Variants in CIT observed in about 807,000 individuals in gnomAD.
CIT encodes the protein citron rho-interacting serine/threonine kinase.
A neutral mutation model predicts 272.7 loss-of-function variants in CIT; 79 were observed. That is an observed-to-expected ratio of 0.29 (90% CI 0.24 to 0.35). The LOEUF is 0.35. Among genes scored for constraint, CIT ranks in the 10% least tolerant of loss-of-function variants. The probability of loss-of-function intolerance (pLI) is 1.00; values close to 1 mark genes in which losing one functional copy is unlikely to be tolerated. For synonymous variants in CIT, 948 were observed against 995.6 expected, an observed-to-expected ratio of 0.95 and a Z score of 0.90; for missense variants, 1,909 against 2,618.3, an observed-to-expected ratio of 0.73 and a Z score of 5.91.
chr12:119,704,573 G>T, intron 40 of CIT, 118 bp from the exon 41 acceptor site: 1 of 870,836 alleles, frequency 1.1e-6, no homozygotes, highest in Non-Finnish European at 1.8e-6. Flanking sequence ...ATCATTCTGT[G>T]TGGTGGGGGG....
At chr12:119,719,894 A>G (rs1242198505) in intron 30 of CIT, among the ~76,000 whole-genome samples, 2 of 152,202 alleles carry the variant, frequency 1.3e-5, no homozygotes, top group Non-Finnish European at 2.9e-5. Context: ...CACTATGTAT[A>G]ACCCTGCCCC....
At chr12:119,692,768 C>G (rs1276384977) in intron 46 of CIT, among the ~76,000 whole-genome samples, 1 of 152,190 alleles carries the variant, frequency 6.6e-6, no homozygotes, top group African/African-American at 2.4e-5. Context: ...CATAAGGGCT[C>G]AGTTCATAGT....
chr12:119,803,496 ACTGCAGCGC>A, intron 9 of CIT, 107 bp from the exon 10 acceptor site: 1 of 753,408 alleles, frequency 1.3e-6, no homozygotes, highest in Non-Finnish European at 2.1e-6. Context: ...TGGCGATGGC[ACTGCAGCGC>A]CTGCTTTCAA....
rs112961340 is a variant in CIT, at chr12:119,699,767, G to A, written c.5623+978C>T. ...AAGCAGAACTGTCCAGTCAAGCCACGGAGTTGGGGCCAATAATAAGCTGTT... is the reference window on the plus strand; with the variant it reads ...AAGCAGAACTGTCCAGTCAAGCCACAGAGTTGGGGCCAATAATAAGCTGTT... On this transcript the variant is annotated intron_variant, in intron 44 of 47. Coordinates refer to ENST00000392521, the MANE Select transcript of CIT (RefSeq NM_001206999.2). 3.9e-4 allele frequency: 177 copies of A among 455,978 alleles called. 1 individual carries two copies. Among genetic ancestry groups the A allele is most frequent in the African/African-American group, 2.8e-3 (141 of 50,192 alleles). 28.2% of individuals were successfully genotyped at this position (455,978 alleles called of 1,614,324 possible).
chr12:119,777,256 A>G (rs1296748887), intron 13 of CIT, among the ~76,000 whole-genome samples: 13 of 151,478 alleles, frequency 8.6e-5, no homozygotes, highest in Admixed American at 8.6e-4. Flanking sequence ...CTCCGTCTCA[A>G]AAAAAAACAA....
At chr12:119,719,397 A>G (rs1335734897) in intron 30 of CIT, among the ~76,000 whole-genome samples, 2 of 152,208 alleles carry the variant, frequency 1.3e-5, no homozygotes, top group Non-Finnish European at 2.9e-5. Flanking sequence ...AGGAAAACAG[A>G]ATAATGCAAC....
At chr12:119,742,287 T>C (rs886958941) in intron 24 of CIT, 124 bp downstream of exon 24, 16 of 644,432 alleles carry the variant, frequency 2.5e-5, no homozygotes, top group African/African-American at 3.7e-5. Flanking sequence ...TTGATTGCAT[T>C]ATCTTCTTCA....
intron 24 of CIT, among the ~76,000 whole-genome samples, chr12:119,736,144 A>T (rs899645190): frequency 6.6e-6 from 1 of 152,218 alleles, no homozygotes; most frequent in Admixed American, 6.5e-5. Flanking sequence ...TATGGCTTGC[A>T]GAGAGCTTTT....
chr12:119,726,318 A>C (rs1424043989), intron 28 of CIT, among the ~76,000 whole-genome samples: 1 of 151,040 alleles, frequency 6.6e-6, no homozygotes, highest in Non-Finnish European at 1.5e-5. Flanking sequence ...ACCTGCGCTC[A>C]AGTGATCCTC....
intron 10 of CIT, among the ~76,000 whole-genome samples, chr12:119,785,728 C>T (rs1008216845): frequency 1.3e-5 from 2 of 152,176 alleles, no homozygotes; most frequent in East Asian, 1.9e-4. Flanking sequence ...TACAGGTGCT[C>T]GTGACCGTGC....
At chr12:119,855,377 C>T (rs1970519076) in intron 4 of CIT, among the ~76,000 whole-genome samples, 1 of 152,046 alleles carries the variant, frequency 6.6e-6, no homozygotes, top group Admixed American at 6.6e-5. Flanking sequence ...GAGCTGAGAT[C>T]GCACCACTGC....
chr12:119,844,545 A>G (rs529685862), intron 5 of CIT, among the ~76,000 whole-genome samples: 1 of 152,238 alleles, frequency 6.6e-6, no homozygotes, highest in African/African-American at 2.4e-5. Context: ...GTTATTCAGA[A>G]CTCTAGGTAT....
intron 30 of CIT, among the ~76,000 whole-genome samples, chr12:119,719,703 G>T (rs979097200): frequency 6.6e-6 from 1 of 152,126 alleles, no homozygotes; most frequent in Non-Finnish European, 1.5e-5. Context: ...AGTCATCAAG[G>T]CCTCTCCTGC....
Position 119,784,546 on chromosome 12 carries a change from T to TA in CIT, c.1401+413dup, listed in dbSNP as rs1964593454. 3.4e-6 allele frequency: 4 copies of TA among 1,177,224 alleles called. No homozygotes were observed. The highest frequency in any genetic ancestry group is 4.2e-6 in the Non-Finnish European group (4 of 941,212). The allele number at this position is 1,177,224 out of a possible 1,614,324, so 72.9% of individuals were successfully genotyped here. ...GCCTCTGGGCAGGAACAGTGAATGT[T>TA]AAGAGACGTTGAGCGTAATCAACAC... On this transcript the variant is annotated intron_variant, in intron 11 of 47. Transcript: ENST00000392521. The surrounding 1 kb of genome is among the most constrained non-coding windows in gnomAD (Gnocchi z 4.7).
At chr12:119,776,108 T>C (rs369964126) in intron 15 of CIT, among the ~76,000 whole-genome samples, 6 of 152,204 alleles carry the variant, frequency 3.9e-5, no homozygotes, top group Non-Finnish European at 8.8e-5. Flanking sequence ...ACAATTTTCC[T>C]ATACTTTTTA....
chr12:119,785,026 G>A lies in CIT; in HGVS notation c.1335C>T (p.Ser445=). The stretch of plus-strand genomic sequence containing the variant: ...TGATGAGAAGTTTCTTTTCCATGGA[G>A]CTAGTCTTGGCAGGGGAGTCCAGAC... ...VSGLDSPAKT[S]SMEKKLLIKS... Residue 445 remains serine, a synonymous_variant, in exon 11 of 48, where the codon AGC becomes AGT. Transcript: ENST00000392521. 6.2e-7 allele frequency: 1 copy of A among 1,614,202 alleles called. No homozygotes were observed. The highest frequency in any genetic ancestry group is 2.2e-5 in the East Asian group (1 of 44,878).
chr12:119,700,567 G>A (rs1412775338), intron 44 of CIT, 178 bp downstream of exon 44: 3 of 559,934 alleles, frequency 5.4e-6, no homozygotes, highest in Admixed American at 5.8e-5. Context: ...ATTTTTAGTA[G>A]AAATGGGGTT....
intron 19 of CIT, among the ~76,000 whole-genome samples, chr12:119,766,859 T>C (rs1168613181): frequency 1.3e-5 from 2 of 148,400 alleles, no homozygotes; most frequent in African/African-American, 5.0e-5. Flanking sequence ...GAAATTGAGA[T>C]AAATGATGAC....
chr12:119,732,293 T>C (rs544356663), intron 26 of CIT, among the ~76,000 whole-genome samples: 1 of 152,374 alleles, frequency 6.6e-6, no homozygotes, highest in African/African-American at 2.4e-5. Flanking sequence ...AGACTAATGC[T>C]AGTCTTCCTG....
Sources: gnomAD v4.1 joint callset for allele counts (sites outside exome capture counted in the v4.1 genomes callset) on GRCh38, gnomAD v4.1.1 for gene constraint, Gnocchi (gnomAD v3.1) non-coding constraint, MANE v1.5 for transcripts, NCBI Gene and HGNC (gene_info 2026-07-23, HGNC 2026-07-21) for gene names.